NUTM2G: variants seen among roughly 807,000 people sequenced by gnomAD.
NUTM2G encodes the protein NUT family member 2G, also known as family with sequence similarity 22, member G.
A neutral mutation model predicts 44.3 loss-of-function variants in NUTM2G; 29 were observed. That is an observed-to-expected ratio of 0.66 (90% CI 0.49 to 0.89). The LOEUF is 0.89. NUTM2G is among the 40% of genes least tolerant of loss of function. The pLI, the probability that NUTM2G is intolerant of heterozygous loss-of-function variation, is 0.00. For missense variants in NUTM2G, 502 were observed against 946.5 expected (o/e 0.53, Z 6.16); for synonymous variants, 205 against 395.9 (o/e 0.52, Z 5.72).
chr9:96,942,741 T>G (rs1826624619), downstream of NUTM2G: 1 of 150,306 alleles, frequency 6.7e-6, no homozygotes, highest in South Asian at 2.1e-4. Flanking sequence ...ACGTATACGG[T>G]ATTTGCATAA....
At chr9:96,937,042 T>C (rs774970338) in intron 4 of NUTM2G, 22 bp from the exon 5 acceptor site, 1 of 1,583,298 alleles carries the variant, frequency 6.3e-7, no homozygotes, top group South Asian at 1.1e-5. Flanking sequence ...ACCACACCCA[T>C]CCTCCTCCCT....
rs776897441 is a variant in NUTM2G, at chr9:96,936,471, C to T, written c.889C>T (p.Gln297Ter). The change falls in exon 4 of 7, where the codon CAG becomes TAG. Residue 297 changes from glutamine to a stop codon, truncating the protein, a stop_gained. Transcript: ENST00000372322. LOFTEE classifies it high-confidence loss of function. ...AEEEMQIQKSQWMKGPQSLPP... is the reference protein window; with the variant it reads ...AEEEMQIQKS Reference sequence around the variant, plus strand: ...GGAGGAGATGCAGATTCAGAAATCGCAGTGGATGAAGGGGCCCCAGAGCCT... The same window carrying T: ...GGAGGAGATGCAGATTCAGAAATCGTAGTGGATGAAGGGGCCCCAGAGCCT... 4.5e-6 allele frequency: 7 copies of T among 1,568,936 alleles called. No homozygotes were observed. Among genetic ancestry groups the T allele is most frequent in the African/African-American group, 2.7e-5 (2 of 74,272 alleles).
In NUTM2G at chr9:96,931,944, A is replaced by C; in HGVS notation, c.239A>C (p.Asn80Thr). The change falls in exon 2 of 7, where the codon AAC becomes ACC. Residue 80 changes from asparagine to threonine, a missense_variant. By Grantham distance (65) the Asn-to-Thr change is moderately conservative. Transcript: ENST00000372322. The stretch of plus-strand genomic sequence containing the variant: ...GGCCCAAGTGGGGCTGGGGCTTCCA[A>C]CGTCTTTGTCCAGATGAGGACAGAA... ...GRGPSGAGASNVFVQMRTEVG... is the reference protein window; with the variant it reads ...GRGPSGAGASTVFVQMRTEVG... 1 of 1,611,858 alleles carries C rather than the reference A, an allele frequency of 6.2e-7. No individual in the cohort carries two copies. The highest frequency in any genetic ancestry group is 8.5e-7 in the Non-Finnish European group (1 of 1,179,810).
intron 2 of NUTM2G, among the ~76,000 whole-genome samples, chr9:96,932,885 T>C (rs12551085): frequency 1.8e-4 from 26 of 140,960 alleles, no homozygotes; most frequent in African/African-American, 6.2e-4. Flanking sequence ...CCGACCTCAG[T>C]TGATCTGCCC....
At chr9:96,935,263 G>A in intron 2 of NUTM2G, 65 bp from the exon 3 acceptor site, 4 of 1,607,228 alleles carry the variant, frequency 2.5e-6, no homozygotes, top group East Asian at 2.2e-5. Flanking sequence ...GCCAGGTGTT[G>A]GGACCAGGTG....
chr9:96,935,195 C>A (rs1826386904), intron 2 of NUTM2G, 133 bp from the exon 3 acceptor site: 1 of 1,464,824 alleles, frequency 6.8e-7, no homozygotes, highest in South Asian at 1.2e-5. Flanking sequence ...GCTGAGGAGC[C>A]CACATGGGGG....
intron 6 of NUTM2G, 28 bp downstream of exon 6, chr9:96,938,029 G>C (rs1320489725): frequency 2.2e-5 from 35 of 1,612,148 alleles, no homozygotes; most frequent in Non-Finnish European, 2.6e-5. Flanking sequence ...GGGGAACCCA[G>C]GTACTCCAGG....
intron 1 of NUTM2G, among the ~76,000 whole-genome samples, chr9:96,930,254 G>A (rs1826196523): frequency 6.6e-6 from 1 of 152,210 alleles, no homozygotes; most frequent in South Asian, 2.1e-4. Context: ...GCCGGGCGCG[G>A]TGGCTCACGC....
chr9:96,930,219 T>A (rs1020187597), intron 1 of NUTM2G, among the ~76,000 whole-genome samples: 1 of 151,666 alleles, frequency 6.6e-6, no homozygotes, highest in African/African-American at 2.4e-5. Context: ...TAGTGTAACA[T>A]GACTAGCAGC....
intron 3 of NUTM2G, 96 bp from the exon 4 acceptor site, chr9:96,936,329 G>A: frequency 2.0e-6 from 3 of 1,534,294 alleles, no homozygotes; most frequent in Non-Finnish European, 2.6e-6. Context: ...GCCCGCCGGA[G>A]GCACTCCCTC....
Position 96,936,452 on chromosome 9 carries a change from G to A in NUTM2G, c.870G>A (p.Glu290=). ...AKFLEFEAEE[E]MQIQKSQWMK... is the part of the protein sequence containing the mutation. ...TCCTGGAGTTTGAGGCTGAGGAGGAGATGCAGATTCAGAAATCGCAGTGGA... is the reference window on the plus strand; with the variant it reads ...TCCTGGAGTTTGAGGCTGAGGAGGAAATGCAGATTCAGAAATCGCAGTGGA... Residue 290 remains glutamate, a synonymous_variant, in exon 4 of 7, where the codon GAG becomes GAA. Coordinates refer to ENST00000372322, the MANE Select transcript of NUTM2G (RefSeq NM_001170741.3). 1 of 1,577,704 alleles carries A rather than the reference G, an allele frequency of 6.3e-7. No homozygotes were observed. The highest frequency in any genetic ancestry group is 8.5e-7 in the Non-Finnish European group (1 of 1,170,136).
intron 5 of NUTM2G, 96 bp downstream of exon 5, chr9:96,937,500 A>G (rs1826473764): frequency 9.2e-7 from 1 of 1,087,302 alleles, no homozygotes; most frequent in Non-Finnish European, 1.3e-6. Flanking sequence ...ACTCAGTAGT[A>G]TGTGTATTTC....
At chr9:96,940,881 C>A (rs1386973281), downstream of NUTM2G, among the ~76,000 whole-genome samples, 1 of 152,268 alleles carries the variant, frequency 6.6e-6, no homozygotes, top group African/African-American at 2.4e-5. Context: ...AGGCCTGCCA[C>A]CCGCTTTCGC....
intron 2 of NUTM2G, 77 bp from the exon 3 acceptor site, chr9:96,935,251 G>A (rs1452614195): frequency 3.8e-6 from 6 of 1,597,434 alleles, no homozygotes; most frequent in Non-Finnish European, 4.3e-6. Context: ...GGGAGGACAG[G>A]AGCCAGGTGT....
intron 2 of NUTM2G, chr9:96,933,688 A>G: frequency 6.6e-6 from 1 of 152,324 alleles, no homozygotes. Flanking sequence ...TAGGTCTTTG[A>G]GTGTACACCC....
chr9:96,931,152 T>C (rs1344592570), intron 1 of NUTM2G, among the ~76,000 whole-genome samples: 9 of 152,148 alleles, frequency 5.9e-5, no homozygotes, highest in East Asian at 5.8e-4. Context: ...CCTCCCAAAG[T>C]GCTGGGATGA....
chr9:96,929,569 G>A (rs1826175747), intron 1 of NUTM2G, among the ~76,000 whole-genome samples: 1 of 152,126 alleles, frequency 6.6e-6, no homozygotes, highest in African/African-American at 2.4e-5. Context: ...GCAAGGCTGG[G>A]GGCCACTGTA....
At position 96,937,238 on chromosome 9, in the gene NUTM2G, T is replaced by A; in HGVS notation, c.1157T>A (p.Ile386Asn). ...PPEVVQEYVD[I>N]MEELLGSHPG... is the part of the protein sequence containing the mutation. Reference sequence around the variant, plus strand: ...GAAGTGGTGCAGGAGTATGTGGACATCATGGAGGAGCTGCTGGGGTCTCAC... The same window carrying A: ...GAAGTGGTGCAGGAGTATGTGGACAACATGGAGGAGCTGCTGGGGTCTCAC... The change falls in exon 5 of 7, where the codon ATC becomes AAC. Residue 386 changes from isoleucine to asparagine, a missense_variant. Ile to Asn is a moderately radical substitution (Grantham distance 149, BLOSUM62 -3). Coordinates refer to ENST00000372322, the MANE Select transcript of NUTM2G (RefSeq NM_001170741.3). 1 of 1,613,212 alleles carries A rather than the reference T, an allele frequency of 6.2e-7. No individual in the cohort carries two copies. Among genetic ancestry groups the A allele is most frequent in the Non-Finnish European group, 8.5e-7 (1 of 1,179,844 alleles).
rs770651527 is a variant in NUTM2G at position 96,937,349 on chromosome 9, C to T, written c.1268C>T (p.Pro423Leu). The change falls in exon 5 of 7, where the codon CCG becomes CTG. Residue 423 changes from proline (P) to leucine (L), a missense_variant. Coordinates refer to ENST00000372322, the MANE Select transcript of NUTM2G (RefSeq NM_001170741.3). ...PQEEDGMTSD[P>L]GLLSYIDKLC... ...GAAGAGGACGGGATGACCTCAGACC[C>T]GGGCCTCCTGAGCTACATTGACAAG... The T allele has an allele frequency of 8.1e-6, 13 of 1,613,804 alleles. No homozygotes were observed. Among genetic ancestry groups the T allele is most frequent in the African/African-American group, 2.7e-5 (2 of 74,898 alleles).
Sources: gnomAD v4.1 joint callset for allele counts (sites outside exome capture counted in the v4.1 genomes callset) on GRCh38, gnomAD v4.1.1 for gene constraint, MANE v1.5 for transcripts, NCBI Gene and HGNC (gene_info 2026-07-23, HGNC 2026-07-21) for gene names.